The following NLRP1 variants were observed in gnomAD, a reference collection of about 807,000 sequenced individuals.
NLRP1 encodes NLR family pyrin domain containing 1, also known as NACHT, LRR and PYD domains-containing protein 1.
Under a neutral mutation model 136.7 loss-of-function variants are expected in NLRP1, and 94 were observed. That is an observed-to-expected ratio of 0.69 (90% confidence interval 0.58 to 0.82). NLRP1 has a LOEUF of 0.82. NLRP1 is among the 40% of genes least tolerant of loss of function. The pLI is 0.00. For synonymous variants in NLRP1, 690 were observed against 725.1 expected, an observed-to-expected ratio of 0.95 and a Z score of 0.78; for missense variants, 1,575 against 1,802.7, an observed-to-expected ratio of 0.87 and a Z score of 2.29.
In NLRP1 at chr17:5,558,466, A is replaced by G. The variant is rs750850333; in HGVS notation, c.2230T>C (p.Cys744Arg). Residue 744 changes from cysteine (C) to arginine (R), a missense_variant, in exon 4 of 17, where the codon TGT becomes CGT. Cys to Arg is a radical substitution (Grantham distance 180). Coordinates refer to ENST00000572272, the MANE Select transcript of NLRP1 (RefSeq NM_033004.4). ...AAGAGCTCCATGTCTGTTTCTACAC[A>G]CATGCCCATTTCTTCGAAATGGGCC... is the stretch of plus-strand genomic sequence containing the variant. Reference protein sequence around the residue: ...VMAHFEEMGMCVETDMELLVC... With the variant: ...VMAHFEEMGMRVETDMELLVC... The G allele has an allele frequency of 6.2e-7, 1 of 1,614,112 alleles. No homozygotes were observed. The highest frequency in any genetic ancestry group is 1.1e-5 in the South Asian group (1 of 91,082).
chr17:5,506,216 G>A (rs1221687490), intron 15 of NLRP1, among the ~76,000 whole-genome samples: 5 of 151,706 alleles, frequency 3.3e-5, no homozygotes, highest in African/African-American at 1.2e-4. Flanking sequence ...CTTAAGAGGT[G>A]GAGGTTGCAG....
At chr17:5,513,691 C>T (rs1907780760), downstream of NLRP1, among the ~76,000 whole-genome samples, 1 of 152,086 alleles carries the variant, frequency 6.6e-6, no homozygotes, top group African/African-American at 2.4e-5. Flanking sequence ...GATCTCTGTC[C>T]TTCTACAACC....
chr17:5,501,680 G>A (rs202088280), exon 16 of NLRP1: 6 of 667,084 alleles, frequency 9.0e-6, no homozygotes, highest in African/African-American at 9.0e-5. Context: ...TCTCGCATAT[G>A]ATTAAGAACA....
chr17:5,518,787 C>T (rs1255214850), intron 14 of NLRP1, among the ~76,000 whole-genome samples: 2 of 151,790 alleles, frequency 1.3e-5, no homozygotes, highest in African/African-American at 4.8e-5. Context: ...ACTATGGCCT[C>T]CCAAAGTGAT....
intron 14 of NLRP1, 43 bp downstream of exon 14, chr17:5,520,837 AG>A: frequency 6.7e-7 from 1 of 1,492,954 alleles, no homozygotes; most frequent in East Asian, 2.3e-5. Flanking sequence ...ATTCCCAGGT[AG>A]GACTTCTGTT....
At chr17:5,523,391 G>A (rs1909141798) in intron 12 of NLRP1, among the ~76,000 whole-genome samples, 1 of 152,174 alleles carries the variant, frequency 6.6e-6, no homozygotes, top group Non-Finnish European at 1.5e-5. Flanking sequence ...CGTATTTTCT[G>A]CCGCCTGTCT....
chr17:5,555,886 A>C (rs1158434761), intron 4 of NLRP1, among the ~76,000 whole-genome samples: 4 of 151,318 alleles, frequency 2.6e-5, no homozygotes, highest in Non-Finnish European at 5.9e-5. Context: ...TGAGGTCAGG[A>C]GTTCAAGACC....
intron 15 of NLRP1, among the ~76,000 whole-genome samples, chr17:5,507,186 G>A (rs1003659832): frequency 4.6e-5 from 7 of 152,132 alleles, no homozygotes; most frequent in African/African-American, 1.2e-4. Flanking sequence ...ATCGTTGCAC[G>A]TCGAGGTGAA....
rs771811742 is a variant in NLRP1, at chr17:5,521,027, G to A, written c.3784-15C>T. The stretch of plus-strand genomic sequence containing the variant: ...TCATCTATGGCCTACAGAACATAGG[G>A]AACAATGATTAAGGGAGGCTTCTGC... On this transcript the variant is annotated splice_polypyrimidine_tract_variant and intron_variant, in intron 13 of 16. Coordinates refer to ENST00000572272, the MANE Select transcript of NLRP1 (RefSeq NM_033004.4). 16 of 1,587,830 alleles carry A rather than the reference G, an allele frequency of 1.0e-5. No homozygotes were observed. In the South Asian group the frequency reaches 1.8e-4, roughly 18 times the overall value.
intron 3 of NLRP1, among the ~76,000 whole-genome samples, chr17:5,581,359 G>A (rs976040697): frequency 2.0e-5 from 3 of 152,142 alleles, no homozygotes; most frequent in African/African-American, 7.2e-5. Flanking sequence ...TTAATCCTTG[G>A]TTTTCTCATC....
At chr17:5,573,921 T>C (rs148579460) in intron 3 of NLRP1, among the ~76,000 whole-genome samples, 1,845 of 152,260 alleles carry the variant, frequency 0.012, 21 homozygotes, top group African/African-American at 0.042. Context: ...CAAAGGAACA[T>C]AGCTCCTCGC....
intron 12 of NLRP1, among the ~76,000 whole-genome samples, chr17:5,529,567 T>C (rs12601909): frequency 0.074 from 11,258 of 152,024 alleles, 551 homozygotes; most frequent in South Asian, 0.18. Flanking sequence ...GGGGTTTCAC[T>C]GTGTTAGCCA....
intron 12 of NLRP1, 63 bp downstream of exon 12, chr17:5,530,418 C>T (rs972794935): frequency 2.4e-5 from 35 of 1,454,324 alleles, no homozygotes; most frequent in Non-Finnish European, 2.1e-5. Flanking sequence ...GATTATCATT[C>T]TACACTCCCT....
At chr17:5,561,957 C>T (rs1289188282) in intron 3 of NLRP1, among the ~76,000 whole-genome samples, 4 of 152,112 alleles carry the variant, frequency 2.6e-5, no homozygotes, top group Non-Finnish European at 4.4e-5. Context: ...GTGGGTGACT[C>T]CACCCACCAC....
intron 11 of NLRP1, among the ~76,000 whole-genome samples, chr17:5,531,805 T>G (rs891078893): frequency 2.0e-5 from 3 of 152,226 alleles, no homozygotes; most frequent in Non-Finnish European, 4.4e-5. Flanking sequence ...ATATTCATCT[T>G]AGGGTCCCCA....
chr17:5,582,105 A>C (rs1282232112), intron 2 of NLRP1, 43 bp from the exon 3 acceptor site: 5 of 1,475,166 alleles, frequency 3.4e-6, no homozygotes, highest in Non-Finnish European at 4.7e-6. Flanking sequence ...CTGAACATTT[A>C]TTTTCTTTTA....
At chr17:5,520,842 T>G (rs369191222) in intron 14 of NLRP1, 39 bp downstream of exon 14, 3 of 1,509,356 alleles carry the variant, frequency 2.0e-6, no homozygotes, top group Non-Finnish European at 8.9e-7. Flanking sequence ...CAGGTAGGAC[T>G]TCTGTTCGCA....
chr17:5,529,733 C>T (rs1910004621), intron 12 of NLRP1, among the ~76,000 whole-genome samples: 3 of 149,094 alleles, frequency 2.0e-5, no homozygotes, highest in South Asian at 4.2e-4. Context: ...TGGTTCATTG[C>T]TTTTTGCTGA....
intron 7 of NLRP1, among the ~76,000 whole-genome samples, chr17:5,538,498 TG>T (rs1338786615): frequency 6.6e-6 from 1 of 152,208 alleles, no homozygotes; most frequent in Non-Finnish European, 1.5e-5. Flanking sequence ...AAGTCCTCCC[TG>T]GCCCTTTGAT....
Sources: allele counts gnomAD v4.1 joint callset (sites outside exome capture counted in the v4.1 genomes callset), GRCh38; gene constraint gnomAD v4.1.1; transcripts MANE v1.5; gene names NCBI Gene and HGNC (gene_info 2026-07-23, HGNC 2026-07-21).